Variants in AOAH observed in about 807,000 individuals in gnomAD.
AOAH encodes the protein acyloxyacyl hydrolase.
Under a neutral mutation model 92.2 loss-of-function variants are expected in AOAH, and 64 were observed. The observed-to-expected ratio is 0.69, with a 90% confidence interval of 0.57 to 0.86. The LOEUF (loss-of-function observed/expected upper bound fraction) is 0.86. Among genes scored for constraint, AOAH ranks in the 40% least tolerant of loss-of-function variants. The pLI, the probability that AOAH is intolerant of heterozygous loss-of-function variation, is 0.00. For missense variants in AOAH, 656 were observed against 694.6 expected (o/e 0.94, Z 0.62); for synonymous variants, 263 against 254.5 (o/e 1.03, Z -0.32).
chr7:36,655,739 A>G (rs1359590911), intron 4 of AOAH, among the ~76,000 whole-genome samples: 2 of 152,156 alleles, frequency 1.3e-5, no homozygotes, highest in Admixed American at 6.5e-5. Flanking sequence ...TTACCCGTTC[A>G]TTGCGTCAAT....
intron 3 of AOAH, among the ~76,000 whole-genome samples, chr7:36,660,528 G>T (rs1208838109): frequency 6.6e-6 from 1 of 152,124 alleles, no homozygotes; most frequent in Non-Finnish European, 1.5e-5. Context: ...TGTCGGTCAG[G>T]CTGGTCTCGA....
intron 13 of AOAH, among the ~76,000 whole-genome samples, chr7:36,550,903 T>C (rs1388349721): frequency 2.0e-5 from 3 of 152,104 alleles, no homozygotes; most frequent in Non-Finnish European, 4.4e-5. Flanking sequence ...CTGGCCTGTG[T>C]CTCACTGAAG....
At chr7:36,619,906 C>A (rs1177803797) in intron 9 of AOAH, among the ~76,000 whole-genome samples, 1 of 152,108 alleles carries the variant, frequency 6.6e-6, no homozygotes, top group South Asian at 2.1e-4. Flanking sequence ...TTTGCACCAA[C>A]ATAATATCTT....
chr7:36,700,297 C>A (rs1562710332), intron 1 of AOAH, among the ~76,000 whole-genome samples: 1 of 151,890 alleles, frequency 6.6e-6, no homozygotes, highest in Non-Finnish European at 1.5e-5. Flanking sequence ...TACATTGTAC[C>A]CATTAAGTAA....
intron 13 of AOAH, among the ~76,000 whole-genome samples, chr7:36,571,260 G>C (rs1469463615): frequency 6.6e-6 from 1 of 152,150 alleles, no homozygotes; most frequent in Non-Finnish European, 1.5e-5. Context: ...TCCCCAGCTG[G>C]GTGGGTGCTG....
At chr7:36,524,787 G>C (rs187908179) in intron 19 of AOAH, among the ~76,000 whole-genome samples, 2 of 151,538 alleles carry the variant, frequency 1.3e-5, no homozygotes, top group African/African-American at 4.9e-5. Flanking sequence ...GTTGGCAGTC[G>C]GCAACACGGA....
chr7:36,641,986 C>A (rs373552032), intron 4 of AOAH, among the ~76,000 whole-genome samples: 3 of 152,230 alleles, frequency 2.0e-5, no homozygotes, highest in African/African-American at 7.2e-5. Context: ...AAATCAAAGC[C>A]AGCCCAAAGT....
chr7:36,607,674 T>A (rs758165355), intron 11 of AOAH, among the ~76,000 whole-genome samples: 6 of 152,240 alleles, frequency 3.9e-5, no homozygotes, highest in Non-Finnish European at 8.8e-5. Context: ...CAATTTTAAG[T>A]AAAACTTCTT....
At chr7:36,524,890 A>C (rs1483772343) in intron 19 of AOAH, among the ~76,000 whole-genome samples, 1 of 152,150 alleles carries the variant, frequency 6.6e-6, no homozygotes, top group Non-Finnish European at 1.5e-5. Context: ...GTTGTTTATA[A>C]GCCACCCAGT....
rs770340550 is a variant in AOAH at position 36,513,100 on chromosome 7, G to T, written c.*152C>A. 3.8e-6 allele frequency: 6 copies of T among 1,592,902 alleles called. No individual in the cohort carries two copies. In the South Asian group the frequency reaches 6.7e-5, roughly 18 times the overall value. On this transcript the variant is annotated 3_prime_UTR_variant, in exon 21 of 21. Transcript: ENST00000617537. ...CAGCATTGCACAGTCGTCCAGATAT[G>T]CTCTTCATTGAGAGAAAGACATTTT...
At chr7:36,651,033 C>T (rs779007143) in intron 4 of AOAH, among the ~76,000 whole-genome samples, 17 of 152,104 alleles carry the variant, frequency 1.1e-4, no homozygotes, top group South Asian at 4.1e-4. Context: ...AAGGGGCTGA[C>T]GCAGGCGAGG....
At chr7:36,564,418 C>T (rs561876433) in intron 13 of AOAH, among the ~76,000 whole-genome samples, 1 of 152,072 alleles carries the variant, frequency 6.6e-6, no homozygotes, top group Non-Finnish European at 1.5e-5. Flanking sequence ...TTTCTAGCAC[C>T]TATTGCAATA....
At chr7:36,563,366 G>A (rs1787432384) in intron 13 of AOAH, among the ~76,000 whole-genome samples, 1 of 152,028 alleles carries the variant, frequency 6.6e-6, no homozygotes, top group Admixed American at 6.6e-5. Context: ...GAAGTGACCT[G>A]TCTGTGCTGC....
chr7:36,560,720 T>G (rs1316203422), intron 13 of AOAH, among the ~76,000 whole-genome samples: 1 of 152,216 alleles, frequency 6.6e-6, no homozygotes, highest in Non-Finnish European at 1.5e-5. Flanking sequence ...TGGATGCTTT[T>G]TATATCTTTC....
chr7:36,664,495 C>T (rs1320608383), intron 3 of AOAH, among the ~76,000 whole-genome samples: 1 of 152,130 alleles, frequency 6.6e-6, no homozygotes, highest in African/African-American at 2.4e-5. Flanking sequence ...TTCACCAATA[C>T]CCTGCTGTCT....
chr7:36,609,217 A>G (rs1371786665), intron 11 of AOAH, among the ~76,000 whole-genome samples: 1 of 152,032 alleles, frequency 6.6e-6, no homozygotes, highest in Non-Finnish European at 1.5e-5. Flanking sequence ...TTTCTTCCCC[A>G]CTGTACTTTT....
intron 1 of AOAH, among the ~76,000 whole-genome samples, chr7:36,711,819 AC>A (rs1443317595): frequency 6.6e-6 from 1 of 152,002 alleles, no homozygotes; most frequent in Non-Finnish European, 1.5e-5. Flanking sequence ...AAGACCATGA[AC>A]CCCACCAACC....
intron 11 of AOAH, among the ~76,000 whole-genome samples, chr7:36,604,985 T>C (rs1790897841): frequency 6.6e-6 from 1 of 152,226 alleles, no homozygotes; most frequent in African/African-American, 2.4e-5. Flanking sequence ...TTTCTGCCTC[T>C]GGAATCTTTG....
intron 2 of AOAH, among the ~76,000 whole-genome samples, chr7:36,678,550 AGTGTGTGT>A (rs529261307): frequency 0.11 from 12,490 of 118,832 alleles, 779 homozygotes; most frequent in African/African-American, 0.16. Flanking sequence ...TAAGATAAGC[AGTGTGTGT>A]GTGTGTGTGT....
Sources: allele counts gnomAD v4.1 joint callset (sites outside exome capture counted in the v4.1 genomes callset), GRCh38; gene constraint gnomAD v4.1.1; transcripts MANE v1.5; gene names NCBI Gene and HGNC (gene_info 2026-07-23, HGNC 2026-07-21).